Variants in PDE1C observed in about 807,000 individuals in gnomAD.
PDE1C encodes the protein phosphodiesterase 1C.
In PDE1C, 62 loss-of-function variants were observed where a neutral mutation model predicts 93.1. That is an observed-to-expected ratio of 0.67 (90% CI 0.54 to 0.82). The LOEUF (loss-of-function observed/expected upper bound fraction) is 0.82, where lower values mean the gene tolerates loss of function less well. Ranked by LOEUF, PDE1C falls within the 40% of genes least tolerant of loss-of-function variation. The pLI is 0.00. For synonymous variants in PDE1C, 325 were observed against 310.1 expected (o/e 1.05, Z -0.50); for missense variants, 742 against 884.6 (o/e 0.84, Z 2.04).
the PDE1C span, among the ~76,000 whole-genome samples, chr7:31,718,042 C>G: frequency 6.6e-6 from 1 of 152,114 alleles, no homozygotes; most frequent in Non-Finnish European, 1.5e-5. Flanking sequence ...GCCTTCTTAC[C>G]TATGTGACCC....
At chr7:31,772,994 G>A (rs563063326) in intron 17 of PDE1C, among the ~76,000 whole-genome samples, 1 of 152,196 alleles carries the variant, frequency 6.6e-6, no homozygotes, top group Non-Finnish European at 1.5e-5. Context: ...GGGAAGTAGA[G>A]AGCTGGGTAT....
intron 2 of PDE1C, among the ~76,000 whole-genome samples, chr7:31,970,006 TG>T (rs891117221): frequency 2.0e-5 from 3 of 149,256 alleles, no homozygotes; most frequent in African/African-American, 7.4e-5. Context: ...GTTGGGGGAG[TG>T]GGGAGGGATA....
chr7:32,347,423 A>C (rs1783874478), intron 1 of PDE1C, among the ~76,000 whole-genome samples: 1 of 152,144 alleles, frequency 6.6e-6, no homozygotes, highest in Admixed American at 6.5e-5. Context: ...TGGCAGGTAG[A>C]ATTCTCTGTG....
intron 2 of PDE1C, among the ~76,000 whole-genome samples, chr7:31,971,810 T>C (rs545988041): frequency 1.3e-5 from 2 of 152,220 alleles, no homozygotes; most frequent in South Asian, 4.1e-4. Flanking sequence ...TGTCCCTCCG[T>C]GTCTCCAGCT....
chr7:32,187,279 C>G (rs950932344), intron 2 of PDE1C, among the ~76,000 whole-genome samples: 10 of 152,080 alleles, frequency 6.6e-5, no homozygotes, highest in African/African-American at 2.4e-4. Flanking sequence ...CAGGTGTATG[C>G]AGCCATGCCT....
intron 1 of PDE1C, among the ~76,000 whole-genome samples, chr7:32,248,559 G>C (rs912421682): frequency 6.6e-6 from 1 of 152,180 alleles, no homozygotes; most frequent in Admixed American, 6.5e-5. Flanking sequence ...CAAAGCTAGG[G>C]GTGACCAAGG....
chr7:31,786,079 T>C (rs1286860825), intron 16 of PDE1C: 1 of 152,218 alleles, frequency 6.6e-6, no homozygotes, highest in East Asian at 1.9e-4. Context: ...GGTTTGGTGC[T>C]GTACCAATCA....
At chr7:31,966,421 T>C (rs1809972150) in intron 2 of PDE1C, among the ~76,000 whole-genome samples, 1 of 152,180 alleles carries the variant, frequency 6.6e-6, no homozygotes, top group Non-Finnish European at 1.5e-5. Flanking sequence ...ATCCTAAATA[T>C]ATATGCACCC....
chr7:31,896,273 A>T (rs1799316319), intron 2 of PDE1C, among the ~76,000 whole-genome samples: 1 of 152,104 alleles, frequency 6.6e-6, no homozygotes, highest in African/African-American at 2.4e-5. Flanking sequence ...GACCAAAGGG[A>T]GGAATATAGG....
intron 16 of PDE1C, among the ~76,000 whole-genome samples, chr7:31,777,263 C>T (rs924614351): frequency 2.0e-5 from 3 of 152,044 alleles, no homozygotes; most frequent in Non-Finnish European, 4.4e-5. Context: ...GCTTTCCCTA[C>T]CCCAGAATCC....
chr7:31,875,201 T>C (rs1796392122), intron 5 of PDE1C, among the ~76,000 whole-genome samples: 1 of 152,156 alleles, frequency 6.6e-6, no homozygotes, highest in African/African-American at 2.4e-5. Context: ...GGCTGGAAAA[T>C]GCTGTGTCAC....
chr7:32,155,046 G>A (rs906257476), intron 3 of PDE1C, among the ~76,000 whole-genome samples: 7 of 152,060 alleles, frequency 4.6e-5, no homozygotes, highest in African/African-American at 9.7e-5. Context: ...AAATGAGCAG[G>A]CTGGTGTGGC....
At chr7:32,400,488 G>T (rs762575498) in intron 1 of PDE1C, among the ~76,000 whole-genome samples, 15 of 152,196 alleles carry the variant, frequency 9.9e-5, no homozygotes, top group Non-Finnish European at 1.9e-4. Flanking sequence ...GCTGTTAAGA[G>T]TTACAATGCA....
Position 31,861,787 on chromosome 7 carries a change from A to T in PDE1C, c.750+3155T>A, listed in dbSNP as rs111983499. On this transcript the variant is annotated intron_variant, in intron 7 of 17. Coordinates refer to ENST00000396191, the MANE Select transcript of PDE1C (RefSeq NM_001191057.4). ...AATTTTCCTAGCAGGCTGCCTTAAAATCCATTCACCACAGTAATCCTTTTT... is the reference window on the plus strand; with the variant it reads ...AATTTTCCTAGCAGGCTGCCTTAAATTCCATTCACCACAGTAATCCTTTTT... Among the ~76,000 whole-genome samples the T allele has an allele frequency of 3.3e-5, 5 of 152,232 alleles. 1 individual carries two copies. The highest frequency in any genetic ancestry group is 1.2e-4 in the African/African-American group (5 of 41,566).
intron 17 of PDE1C, among the ~76,000 whole-genome samples, chr7:31,760,040 A>G (rs538422545): frequency 6.6e-6 from 1 of 152,164 alleles, no homozygotes; most frequent in Non-Finnish European, 1.5e-5. Context: ...GATTATTTAT[A>G]TTAGTCTACT....
intron 2 of PDE1C, among the ~76,000 whole-genome samples, chr7:32,040,113 TAA>T (rs1408081975): frequency 1.3e-5 from 2 of 152,098 alleles, no homozygotes; most frequent in Admixed American, 6.5e-5. Context: ...TTATGAAACA[TAA>T]GTCATAAATT....
intron 1 of PDE1C, among the ~76,000 whole-genome samples, chr7:32,326,440 G>C (rs1162705242): frequency 6.6e-6 from 1 of 152,202 alleles, no homozygotes; most frequent in East Asian, 1.9e-4. Flanking sequence ...GATCTGGAAG[G>C]ACTAGAAGAT....
chr7:32,184,591 T>C (rs1395021451), intron 2 of PDE1C, among the ~76,000 whole-genome samples: 2 of 152,022 alleles, frequency 1.3e-5, no homozygotes, highest in Admixed American at 1.3e-4. Context: ...TAGGTGAGAA[T>C]TGAACAATGA....
At chr7:32,062,096 T>C (rs958747297) in intron 1 of PDE1C, among the ~76,000 whole-genome samples, 1 of 152,120 alleles carries the variant, frequency 6.6e-6, no homozygotes, top group African/African-American at 2.4e-5. Context: ...ACTCATCCCA[T>C]ACTGAACTCT....
Sources: allele counts gnomAD v4.1 joint callset (sites outside exome capture counted in the v4.1 genomes callset), GRCh38; gene constraint gnomAD v4.1.1; transcripts MANE v1.5; gene names NCBI Gene and HGNC (gene_info 2026-07-23, HGNC 2026-07-21).